Variants in RNF38 observed in about 807,000 individuals in gnomAD.
RNF38 encodes ring finger protein 38.
A neutral mutation model predicts 67.2 loss-of-function variants in RNF38; 15 were observed. That is an observed-to-expected ratio of 0.22 (90% CI 0.15 to 0.34). The LOEUF is 0.34. Ranked by LOEUF, RNF38 falls within the 10% of genes least tolerant of loss-of-function variation. RNF38 has a pLI of 1.00. For synonymous variants in RNF38, 220 were observed against 218.8 expected, an observed-to-expected ratio of 1.01 and a Z score of -0.05; for missense variants, 524 against 639.9, an observed-to-expected ratio of 0.82 and a Z score of 1.95.
intron 4 of RNF38, among the ~76,000 whole-genome samples, chr9:36,361,277 G>A (rs1027442542): frequency 1.3e-5 from 2 of 151,630 alleles, no homozygotes; most frequent in Non-Finnish European, 2.9e-5. Context: ...TCAGCCTCCC[G>A]AGTACCTGGG....
Position 36,376,143 on chromosome 9 carries a change from A to C in RNF38, c.163-16T>G, listed in dbSNP as rs1310734740. On this transcript the variant is annotated splice_polypyrimidine_tract_variant and intron_variant, in intron 2 of 11. Coordinates refer to ENST00000259605, the MANE Select transcript of RNF38 (RefSeq NM_022781.5). ...TATCTTCACTCTGCCAATGCAACAA[A>C]ATGGATCAACTGAGTAAGATCTTTT... The C allele has an allele frequency of 1.3e-6, 2 of 1,539,882 alleles. No individual in the cohort carries two copies. Among genetic ancestry groups the C allele is most frequent in the Non-Finnish European group, 1.7e-6 (2 of 1,147,098 alleles).
intron 1 of RNF38, among the ~76,000 whole-genome samples, chr9:36,450,284 T>C (rs1476520200): frequency 1.3e-5 from 2 of 152,096 alleles, no homozygotes; most frequent in East Asian, 1.9e-4. Context: ...TATAATTATA[T>C]TCTCAAAAGG....
chr9:36,383,510 A>T (rs957018972), intron 2 of RNF38, among the ~76,000 whole-genome samples: 1 of 152,162 alleles, frequency 6.6e-6, no homozygotes, highest in African/African-American at 2.4e-5. Context: ...TCTATTAGTG[A>T]AACTGAAACT....
chr9:36,400,171 A>G lies in RNF38; in HGVS notation c.-63T>C. 6.3e-7 allele frequency: 1 copy of G among 1,598,444 alleles called. No individual in the cohort carries two copies. Among genetic ancestry groups the G allele is most frequent in the South Asian group, 1.1e-5 (1 of 89,592 alleles). On this transcript the variant is annotated 5_prime_UTR_variant, in exon 1 of 12. Coordinates refer to ENST00000259605, the MANE Select transcript of RNF38 (RefSeq NM_022781.5). ...CAATAACCTGAAACACTCCCGTTTC[A>G]AAAACCAACCTCTCTCACGCTTCAA...
intron 1 of RNF38, among the ~76,000 whole-genome samples, chr9:36,478,297 G>A (rs545737112): frequency 1.7e-4 from 25 of 151,280 alleles, no homozygotes; most frequent in Non-Finnish European, 2.8e-4. Flanking sequence ...CCAGCTACTC[G>A]GGAGGCTGAG....
At chr9:36,342,245 G>T in intron 11 of RNF38, 80 bp downstream of exon 11, 1 of 971,794 alleles carries the variant, frequency 1.0e-6, no homozygotes, top group South Asian at 1.3e-5. Flanking sequence ...CCTGTCCACT[G>T]AGCTATGAAC....
chr9:36,391,646 G>C (rs536846972), intron 1 of RNF38, among the ~76,000 whole-genome samples: 1 of 135,936 alleles, frequency 7.4e-6, no homozygotes, highest in Non-Finnish European at 1.5e-5. Flanking sequence ...ATGGAGTCTC[G>C]CTGTCGCCCA....
chr9:36,415,431 GTTTT>G (rs1018145054), intron 2 of RNF38, among the ~76,000 whole-genome samples: 4 of 143,452 alleles, frequency 2.8e-5, no homozygotes, highest in African/African-American at 7.4e-5. Context: ...TGTTTTTTTT[GTTTT>G]TTTGTTTTTT....
At chr9:36,372,521 T>G (rs1208385991) in intron 3 of RNF38, 1 of 714,998 alleles carries the variant, frequency 1.4e-6, no homozygotes, top group Non-Finnish European at 2.6e-6. Flanking sequence ...CCTGCTAGAT[T>G]ATTGTTAAAA....
At chr9:36,420,531 C>CAAAAAAAAA (rs1447823341) in intron 2 of RNF38, among the ~76,000 whole-genome samples, 1 of 28,974 alleles carries the variant, frequency 3.5e-5, no homozygotes, top group Non-Finnish European at 1.1e-4. Flanking sequence ...GACTCTGTCT[C>CAAAAAAAAA]CAAAAAAAAA....
At chr9:36,374,575 A>C (rs1835648310) in intron 3 of RNF38, among the ~76,000 whole-genome samples, 1 of 152,096 alleles carries the variant, frequency 6.6e-6, no homozygotes, top group African/African-American at 2.4e-5. Flanking sequence ...CCTGGGTTCA[A>C]GCAATTCCCC....
chr9:36,356,549 ATC>A, intron 5 of RNF38, 76 bp from the exon 6 acceptor site: 2 of 1,271,760 alleles, frequency 1.6e-6, no homozygotes, highest in South Asian at 3.2e-5. Flanking sequence ...TGAGATTAAA[ATC>A]TGTCATTGTC....
intron 4 of RNF38, among the ~76,000 whole-genome samples, chr9:36,365,241 G>A (rs572092750): frequency 3.3e-5 from 5 of 151,964 alleles, no homozygotes; most frequent in East Asian, 1.9e-4. Context: ...TAAAAAAAAC[G>A]GGATCTTTCG....
upstream of RNF38, among the ~76,000 whole-genome samples, chr9:36,401,810 A>G (rs965146693): frequency 2.0e-5 from 3 of 152,248 alleles, no homozygotes; most frequent in Non-Finnish European, 4.4e-5. Context: ...GATGGTGATC[A>G]TATTTTAGGG....
At chr9:36,365,662 GTTTTTTTTTT>G (rs759974775) in intron 4 of RNF38, among the ~76,000 whole-genome samples, 1 of 103,600 alleles carries the variant, frequency 9.7e-6, no homozygotes, top group Non-Finnish European at 1.7e-5. Context: ...AAGACTGATA[GTTTTTTTTTT>G]TTTTTTTTTT....
chr9:36,377,309 C>A (rs1827531173), intron 2 of RNF38, among the ~76,000 whole-genome samples: 1 of 152,176 alleles, frequency 6.6e-6, no homozygotes. Context: ...TTAGTACCTG[C>A]AGCTACCATA....
Position 36,352,855 on chromosome 9 carries a change from G to C in RNF38, c.1072-7C>G. On this transcript the variant is annotated splice_polypyrimidine_tract_variant and splice_region_variant and intron_variant, in intron 7 of 11. Transcript: ENST00000259605. ...GCATAAATGGAGGATAAGGCTGCAA[G>C]GGGAAAAATGTTAAGATTTAGAATC... 6.3e-7 allele frequency: 1 copy of C among 1,585,230 alleles called. No homozygotes were observed. Among genetic ancestry groups the C allele is most frequent in the Non-Finnish European group, 8.7e-7 (1 of 1,154,382 alleles).
chr9:36,426,751 GAGT>G (rs1287790829), intron 1 of RNF38, among the ~76,000 whole-genome samples: 1 of 152,130 alleles, frequency 6.6e-6, no homozygotes, highest in African/African-American at 2.4e-5. Context: ...GGCATTTTTT[GAGT>G]AGAATGACTT....
At chr9:36,469,178 G>A (rs7469012) in intron 1 of RNF38, among the ~76,000 whole-genome samples, 1 of 152,158 alleles carries the variant, frequency 6.6e-6, no homozygotes, top group Non-Finnish European at 1.5e-5. Flanking sequence ...CTTCTCTCCA[G>A]AAGTAATCAT....
Sources: allele counts gnomAD v4.1 joint callset (sites outside exome capture counted in the v4.1 genomes callset), GRCh38; gene constraint gnomAD v4.1.1; transcripts MANE v1.5; gene names NCBI Gene and HGNC (gene_info 2026-07-23, HGNC 2026-07-21).